SIM2: variants seen among roughly 807,000 people sequenced by gnomAD.
SIM2 encodes the protein SIM bHLH transcription factor 2, also known as single-minded homolog 2.
In SIM2, 28 loss-of-function variants were observed where a neutral mutation model predicts 64.8. The observed-to-expected ratio is 0.43, with a 90% CI of 0.32 to 0.59. The LOEUF (loss-of-function observed/expected upper bound fraction) is 0.59. SIM2 is among the 20% of genes least tolerant of loss of function. The pLI is 0.07. For missense variants in SIM2, 847 were observed against 871.4 expected (o/e 0.97, Z 0.35); for synonymous variants, 408 against 391.1 (o/e 1.04, Z -0.51).
Position 36,709,242 on chromosome 21 carries a change from T to G in SIM2, c.250T>G (p.Leu84Val). The G allele has an allele frequency of 6.2e-7, 1 of 1,604,458 alleles. No homozygotes were observed. The highest frequency in any genetic ancestry group is 8.5e-7 in the Non-Finnish European group (1 of 1,175,920). The stretch of plus-strand genomic sequence containing the variant: ...CGTCGCCAAGGAGCTGGGATCGCAC[T>G]TGCTGCAGGTAGAGCGGCCTCGCCG... ...DGVAKELGSH[L>V]LQTLDGFVFV... The change falls in exon 2 of 11, where the codon TTG (leucine) becomes GTG (valine). Residue 84 changes from leucine to valine, a missense_variant. By Grantham distance (32) the Leu-to-Val change is conservative. Coordinates refer to ENST00000290399, the MANE Select transcript of SIM2 (RefSeq NM_005069.6).
intron 2 of SIM2, chr21:36,709,677 G>A: frequency 5.7e-6 from 2 of 350,554 alleles, no homozygotes; most frequent in East Asian, 8.2e-5. Context: ...TGCAAGGGGC[G>A]CAAGGACGGA....
intron 1 of SIM2, among the ~76,000 whole-genome samples, chr21:36,705,250 A>G (rs1417825785): frequency 6.6e-6 from 1 of 152,216 alleles, no homozygotes. Context: ...GCTTGCGTGG[A>G]GCAGGGAGCG....
chr21:36,742,712 C>A (rs568043060), intron 8 of SIM2, among the ~76,000 whole-genome samples: 3 of 152,174 alleles, frequency 2.0e-5, no homozygotes, highest in Admixed American at 2.0e-4. Context: ...AAAGAGTTCT[C>A]GTTTGCACTT....
chr21:36,727,688 G>GGT (rs1470349908), intron 6 of SIM2, among the ~76,000 whole-genome samples: 1 of 152,048 alleles, frequency 6.6e-6, no homozygotes, highest in African/African-American at 2.4e-5. Flanking sequence ...CCTGGCGTGG[G>GGT]GTGTGTGTGT....
intron 1 of SIM2, chr21:36,701,416 A>G (rs927826573): frequency 3.3e-5 from 5 of 152,236 alleles, no homozygotes; most frequent in Non-Finnish European, 4.4e-5. Flanking sequence ...GGTGGAGCGC[A>G]GAGGGCTGGT....
At chr21:36,703,217 C>A (rs2088529581) in intron 1 of SIM2, among the ~76,000 whole-genome samples, 1 of 152,182 alleles carries the variant, frequency 6.6e-6, no homozygotes, top group Non-Finnish European at 1.5e-5. Context: ...GTGTGCAAGG[C>A]AGAGGGAGAC....
intron 7 of SIM2, 36 bp downstream of exon 7, chr21:36,731,187 C>A (rs2123474384): frequency 6.5e-7 from 1 of 1,544,314 alleles, no homozygotes; most frequent in East Asian, 2.2e-5. Context: ...CGGGAGGTAG[C>A]TGGTCAGGGA....
chr21:36,716,578 A>C lies in SIM2; in HGVS notation c.349-3243A>C, dbSNP rs76139714. On this transcript the variant is annotated intron_variant, in intron 3 of 10. Coordinates refer to ENST00000290399, the MANE Select transcript of SIM2 (RefSeq NM_005069.6). ...AAACCATCTTGTTTTAAAATCCTTAATTTACCATACTCAGCAAAACACCCC... is the reference window on the plus strand; with the variant it reads ...AAACCATCTTGTTTTAAAATCCTTACTTTACCATACTCAGCAAAACACCCC... Among the ~76,000 whole-genome samples, 210 of 152,260 alleles carry C rather than the reference A, an allele frequency of 1.4e-3. 1 individual carries two copies. Among genetic ancestry groups the C allele is most frequent in the African/African-American group, 4.7e-3 (196 of 41,542 alleles).
chr21:36,713,955 T>A (rs1287948368), intron 3 of SIM2, among the ~76,000 whole-genome samples: 1 of 152,266 alleles, frequency 6.6e-6, no homozygotes, highest in Non-Finnish European at 1.5e-5. Context: ...GCTTGGCACT[T>A]GTGCCTATGT....
Position 36,749,870 on chromosome 21 carries a change from T to C in SIM2, c.*1778T>C, listed in dbSNP as rs150097027. On this transcript the variant is annotated 3_prime_UTR_variant, in exon 11 of 11. Transcript: ENST00000290399. ...AATCAAGGCTATCGGAGCAGTTCAATAACAAAGGTTACTGTTGAGAAAAAA... is the reference window on the plus strand; with the variant it reads ...AATCAAGGCTATCGGAGCAGTTCAACAACAAAGGTTACTGTTGAGAAAAAA... 429 of 152,334 alleles carry C rather than the reference T, an allele frequency of 2.8e-3. 2 individuals carry two copies. Among genetic ancestry groups the C allele is most frequent in the African/African-American group, 9.9e-3 (412 of 41,570 alleles). The allele number at this position is 152,334 out of a possible 1,614,324, so 9.4% of individuals were successfully genotyped here. A position where few individuals can be genotyped will look rare whatever the true frequency, so the allele number is the denominator to read the frequency against.
chr21:36,737,236 A>T (rs952568520), intron 7 of SIM2, among the ~76,000 whole-genome samples: 4 of 152,192 alleles, frequency 2.6e-5, no homozygotes, highest in Admixed American at 6.5e-5. Context: ...GCCCCAGAAC[A>T]TTCTGTAAAG....
Position 36,699,570 on chromosome 21 carries a change from G to A in SIM2, c.-177G>A. ...GCCGGGTTGCTCGGAGCTCAGGCCC[G>A]GCGGCTGCGGGGAGGCGTCTCGGAA... is the stretch of plus-strand genomic sequence containing the variant. On this transcript the variant is annotated 5_prime_UTR_variant, in exon 1 of 11. Transcript: ENST00000290399. The surrounding 1 kb of genome is among the most constrained non-coding windows in gnomAD (Gnocchi z 5.6). 2 of 528,026 alleles carry A rather than the reference G, an allele frequency of 3.8e-6. No individual in the cohort carries two copies. Among genetic ancestry groups the A allele is most frequent in the African/African-American group, 2.1e-5 (1 of 48,670 alleles). 32.7% of individuals were successfully genotyped at this position (528,026 alleles called of 1,614,324 possible).
intron 3 of SIM2, among the ~76,000 whole-genome samples, chr21:36,717,766 G>A (rs549038549): frequency 1.3e-5 from 2 of 152,202 alleles, no homozygotes; most frequent in African/African-American, 2.4e-5. Flanking sequence ...CTGCCACTCC[G>A]CACCTGGACA....
In SIM2 at chr21:36,745,191, G is replaced by A. The variant is rs192771022; in HGVS notation, c.1576+55G>A. Reference sequence around the variant, plus strand: ...GGAGGACTGCGCACGGCCGGGAGCCGAAGCAGCCATGGCGGTGGGTGGCAG... The same window carrying A: ...GGAGGACTGCGCACGGCCGGGAGCCAAAGCAGCCATGGCGGTGGGTGGCAG... On this transcript the variant is annotated intron_variant, in intron 10 of 10. Transcript: ENST00000290399. This position sits in a 1 kb window ranked among gnomAD's most constrained non-coding sequence, Gnocchi z 4.8. 1.7e-5 allele frequency: 26 copies of A among 1,553,462 alleles called. No homozygotes were observed. The East Asian group carries it at 1.9e-4, about 11-fold the overall frequency.
intron 3 of SIM2, 82 bp from the exon 4 acceptor site, chr21:36,719,739 G>A (rs934634347): frequency 8.7e-6 from 7 of 804,112 alleles, no homozygotes; most frequent in African/African-American, 1.7e-5. Context: ...GGCAGGGTGA[G>A]CACCTGTGAC....
At chr21:36,716,346 A>G (rs1319617658) in intron 3 of SIM2, among the ~76,000 whole-genome samples, 2 of 152,232 alleles carry the variant, frequency 1.3e-5, no homozygotes, top group African/African-American at 2.4e-5. Flanking sequence ...GGTAACTAGT[A>G]TACATGTTCA....
intron 7 of SIM2, among the ~76,000 whole-genome samples, chr21:36,732,445 G>A (rs992589764): frequency 4.6e-5 from 7 of 152,220 alleles, no homozygotes; most frequent in East Asian, 1.9e-4. Context: ...CCCGCAGGCC[G>A]CTAGGTCCAC....
At chr21:36,701,097 CTT>C (rs1193641207) in intron 1 of SIM2, among the ~76,000 whole-genome samples, 1 of 152,228 alleles carries the variant, frequency 6.6e-6, no homozygotes. Context: ...GGATTTGACT[CTT>C]TGCTGGGAGG....
chr21:36,738,145 A>C (rs1190109326), intron 7 of SIM2, among the ~76,000 whole-genome samples: 2 of 151,900 alleles, frequency 1.3e-5, no homozygotes, highest in African/African-American at 4.8e-5. Flanking sequence ...CCATAAACAA[A>C]TTGGCCAAGT....
Sources: gnomAD v4.1 joint callset for allele counts (sites outside exome capture counted in the v4.1 genomes callset) on GRCh38, gnomAD v4.1.1 for gene constraint, Gnocchi (gnomAD v3.1) non-coding constraint, MANE v1.5 for transcripts, NCBI Gene and HGNC (gene_info 2026-07-23, HGNC 2026-07-21) for gene names.